The following BICD2 variants were observed in gnomAD, a reference collection of about 807,000 sequenced individuals.
BICD2 encodes the protein protein bicaudal D homolog 2.
A neutral mutation model predicts 72.9 loss-of-function variants in BICD2; 25 were observed. That is an observed-to-expected ratio of 0.34 (90% CI 0.25 to 0.48). BICD2 has a LOEUF of 0.48. BICD2 is among the 20% of genes least tolerant of loss of function. The pLI, the probability that BICD2 is intolerant of heterozygous loss-of-function variation, is 0.99. For missense variants in BICD2, 894 were observed against 1,175.2 expected (o/e 0.76, Z 3.50); for synonymous variants, 501 against 516.1 (o/e 0.97, Z 0.40).
intron 1 of BICD2, among the ~76,000 whole-genome samples, chr9:92,759,566 C>A: frequency 6.6e-6 from 1 of 152,200 alleles, no homozygotes; most frequent in Non-Finnish European, 1.5e-5. Flanking sequence ...CAGCTTGGGA[C>A]AGCAGGGTTT....
At chr9:92,719,638 T>G in intron 4 of BICD2, 56 bp from the exon 5 acceptor site, 1 of 1,489,612 alleles carries the variant, frequency 6.7e-7, no homozygotes, top group Non-Finnish European at 8.9e-7. Context: ...CCCGAGAGCT[T>G]GGAGGACCCC....
chr9:92,718,130 C>G (rs1853361381), intron 5 of BICD2, among the ~76,000 whole-genome samples, 182 bp from the exon 6 acceptor site: 1 of 152,164 alleles, frequency 6.6e-6, no homozygotes, highest in South Asian at 2.1e-4. Flanking sequence ...CATGGGGAGT[C>G]CCACCTGCTG....
chr9:92,736,196 C>T (rs903721263), intron 1 of BICD2, among the ~76,000 whole-genome samples: 3 of 152,224 alleles, frequency 2.0e-5, no homozygotes, highest in Non-Finnish European at 4.4e-5. Flanking sequence ...ACACTAACTG[C>T]TGATAAAACA....
At chr9:92,736,366 G>A (rs763632039) in intron 1 of BICD2, among the ~76,000 whole-genome samples, 32 of 152,234 alleles carry the variant, frequency 2.1e-4, no homozygotes, top group Admixed American at 3.9e-4. Flanking sequence ...CAGATGCCAT[G>A]GCCCTGTGAT....
intron 2 of BICD2, among the ~76,000 whole-genome samples, chr9:92,723,494 T>A (rs1587672218): frequency 6.6e-6 from 1 of 152,184 alleles, no homozygotes; most frequent in Non-Finnish European, 1.5e-5. Context: ...TCCATTTCCA[T>A]GAAATATCCA....
chr9:92,733,327 G>C (rs1853712339), intron 1 of BICD2, among the ~76,000 whole-genome samples: 1 of 151,914 alleles, frequency 6.6e-6, no homozygotes, highest in Non-Finnish European at 1.5e-5. Context: ...CACGAGGTCA[G>C]GAGTTCGAGA....
intron 1 of BICD2, among the ~76,000 whole-genome samples, chr9:92,754,418 G>A (rs922737765): frequency 9.9e-5 from 15 of 152,208 alleles, no homozygotes; most frequent in African/African-American, 3.6e-4. Context: ...AATTCTCATC[G>A]TGTTCAAACT....
At chr9:92,731,227 G>A (rs552792533) in intron 1 of BICD2, among the ~76,000 whole-genome samples, 2 of 152,164 alleles carry the variant, frequency 1.3e-5, no homozygotes, top group Admixed American at 6.5e-5. Flanking sequence ...ACACACCCAC[G>A]AGCCTGGAGC....
Position 92,713,982 on chromosome 9 carries a change from A to G in BICD2, c.*1172T>C. ...GCTGGTCCCACAGGGTGATCGGGAA[A>G]AAAGTACTGAGAAAAGTTCTGCTCA... On this transcript the variant is annotated 3_prime_UTR_variant, in exon 7 of 7. Coordinates refer to ENST00000356884, the MANE Select transcript of BICD2 (RefSeq NM_001003800.2). 1.0e-6 allele frequency: 1 copy of G among 987,722 alleles called. No individual in the cohort carries two copies. The highest frequency in any genetic ancestry group is 1.7e-5 in the African/African-American group (1 of 57,418). 61.2% of individuals were successfully genotyped at this position (987,722 alleles called of 1,614,324 possible).
intron 1 of BICD2, among the ~76,000 whole-genome samples, chr9:92,734,218 A>G (rs1853731839): frequency 6.6e-6 from 1 of 152,152 alleles, no homozygotes; most frequent in Admixed American, 6.5e-5. Flanking sequence ...GTTAGAAGTT[A>G]GCATAGTTGG....
chr9:92,735,301 C>T (rs770334838), intron 1 of BICD2, among the ~76,000 whole-genome samples: 45 of 152,254 alleles, frequency 3.0e-4, no homozygotes, highest in Non-Finnish European at 4.7e-4. Context: ...AGGCCAGGTC[C>T]TGCACAGTGG....
rs150331429 is a variant in BICD2, at chr9:92,726,183, T to C, written c.453+2841A>G. ...ATGATGGAACCTTGCAAACCTCTGT[T>C]TCTTCACATCTGACGAGATACCAGT... On this transcript the variant is annotated intron_variant, in intron 2 of 6. Transcript: ENST00000356884. 2.2e-4 allele frequency among the ~76,000 whole-genome samples: 33 copies of C among 152,308 alleles called. No individual in the cohort carries two copies. The East Asian group carries it at 5.8e-3, about 27-fold the overall frequency.
At chr9:92,743,794 C>G (rs560235968) in intron 1 of BICD2, among the ~76,000 whole-genome samples, 1 of 152,096 alleles carries the variant, frequency 6.6e-6, no homozygotes, top group Non-Finnish European at 1.5e-5. Context: ...ATCTCCTACA[C>G]GTACATGAGA....
chr9:92,762,829 G>A (rs1033668800), intron 1 of BICD2, among the ~76,000 whole-genome samples: 4 of 152,180 alleles, frequency 2.6e-5, no homozygotes, highest in South Asian at 2.1e-4. Context: ...TTGGTAGGAG[G>A]AAGAGGGCTG....
intron 2 of BICD2, among the ~76,000 whole-genome samples, chr9:92,723,663 A>G (rs1000664335): frequency 3.3e-5 from 5 of 152,222 alleles, no homozygotes; most frequent in Non-Finnish European, 7.3e-5. Flanking sequence ...AAATACACTG[A>G]GTTGTACACC....
Position 92,713,903 on chromosome 9 carries a change from C to T in BICD2, c.*1251G>A. The T allele has an allele frequency of 3.0e-6, 3 of 999,758 alleles. No individual in the cohort carries two copies. The highest frequency in any genetic ancestry group is 3.6e-6 in the Non-Finnish European group (3 of 838,342). 61.9% of individuals were successfully genotyped at this position (999,758 alleles called of 1,614,324 possible). On this transcript the variant is annotated 3_prime_UTR_variant, in exon 7 of 7. Transcript: ENST00000356884. ...CCAGGTAACTCGAATGCCTCTTCCG[C>T]ATGAGAGACAAGGCAAGCAGCCTGC...
chr9:92,752,531 G>T (rs1854171645), intron 1 of BICD2, among the ~76,000 whole-genome samples: 1 of 152,178 alleles, frequency 6.6e-6, no homozygotes, highest in Non-Finnish European at 1.5e-5. Flanking sequence ...ACTTTAGAAG[G>T]CCAAGATAGG....
At position 92,715,425 on chromosome 9, in the gene BICD2, C is replaced by T. The variant is rs1216459221; in HGVS notation, c.2297G>A (p.Arg766Gln). 5 of 1,603,800 alleles carry T rather than the reference C, an allele frequency of 3.1e-6. No homozygotes were observed. Among genetic ancestry groups the T allele is most frequent in the East Asian group, 2.2e-5 (1 of 44,582 alleles). ...EYITQLDEMQ[R>Q]QLAAAEDEKK... The stretch of plus-strand genomic sequence containing the variant: ...CTCGTCCTCAGCAGCCGCCAGCTGC[C>T]GCTGCATCTCATCCAGCTGTGTAAT... The change falls in exon 7 of 7, where the codon CGG becomes CAG. Residue 766 changes from arginine to glutamine, a missense_variant. This residue lies in a region of BICD2 where 321 missense variants were observed against 443.9 expected (regional missense o/e 0.72). Transcript: ENST00000356884.
At position 92,718,655 on chromosome 9, in the gene BICD2, C is replaced by T. The variant is rs752300430; in HGVS notation, c.1990G>A (p.Ala664Thr). The change falls in exon 5 of 7, where the codon GCC becomes ACC. Residue 664 changes from alanine (A) to threonine (T), a missense_variant. This residue lies in a region of BICD2 where 321 missense variants were observed against 443.9 expected (regional missense o/e 0.72). Transcript: ENST00000356884. ...AGCGCTTCCTTGTCCTTGTCCACGG[C>T]GGGGCCCAGCTCCTGAGAGGCAATG... is the stretch of plus-strand genomic sequence containing the variant. ...QRIASQELGP[A>T]VDKDKEALME... The T allele has an allele frequency of 9.3e-6, 15 of 1,614,010 alleles. No homozygotes were observed. In the South Asian group the frequency reaches 1.1e-4, roughly 12 times the overall value.
Sources: gnomAD v4.1 joint callset for allele counts (sites outside exome capture counted in the v4.1 genomes callset) on GRCh38, gnomAD v4.1.1 for gene constraint, gnomAD v4.1.1 regional missense constraint, MANE v1.5 for transcripts, NCBI Gene and HGNC (gene_info 2026-07-23, HGNC 2026-07-21) for gene names.